The following GPI variants were observed in gnomAD, a reference collection of about 807,000 sequenced individuals.
GPI encodes the protein D-hexose-6-phosphate anomerase.
A neutral mutation model predicts 75.8 loss-of-function variants in GPI; 56 were observed. That is an observed-to-expected ratio of 0.74 (90% CI 0.60 to 0.92). The LOEUF (loss-of-function observed/expected upper bound fraction) is 0.92. GPI is among the 40% of genes least tolerant of loss of function. The pLI, the probability that GPI is intolerant of heterozygous loss-of-function variation, is 0.00. For missense variants in GPI, 638 were observed against 741.0 expected (o/e 0.86, Z 1.61); for synonymous variants, 288 against 285.4 (o/e 1.01, Z -0.09).
intron 9 of GPI, among the ~76,000 whole-genome samples, chr19:34,391,710 G>T (rs796072764): frequency 8.2e-4 from 1 of 1,226 alleles, no homozygotes; most frequent in Non-Finnish European, 2.2e-3. Context: ...ATCTGGTACA[G>T]TTGTGAGGAT....
At position 34,393,446 on chromosome 19, in the gene GPI, T is replaced by C. The variant is rs757750684; in HGVS notation, c.865+138T>C. 5 of 823,374 alleles carry C rather than the reference T, an allele frequency of 6.1e-6. No individual in the cohort carries two copies. Among genetic ancestry groups the C allele is most frequent in the Non-Finnish European group, 8.4e-6 (4 of 476,452 alleles). The allele number at this position is 823,374 out of a possible 1,614,324, so 51.0% of individuals were successfully genotyped here. A position where few individuals can be genotyped will look rare whatever the true frequency, so the allele number is the denominator to read the frequency against. ...TCTCTGCAGCTGGCTGGGATATTTA[T>C]TTCATGTCCAGAAGGAAGGTCTGGG... is the stretch of plus-strand genomic sequence containing the variant. On this transcript the variant is annotated intron_variant, in intron 10 of 17. Coordinates refer to ENST00000356487, the MANE Select transcript of GPI (RefSeq NM_000175.5). The surrounding 1 kb of genome is among the most constrained non-coding windows in gnomAD (Gnocchi z 4.4).
intron 8 of GPI, 157 bp from the exon 9 acceptor site, chr19:34,381,309 T>G: frequency 2.8e-6 from 2 of 715,932 alleles, no homozygotes; most frequent in Admixed American, 4.0e-5. Flanking sequence ...GGCCCTGCCC[T>G]CGACTCACAG....
intron 8 of GPI, chr19:34,379,990 GTTTTTTTTTT>G (rs953154032): frequency 1.2e-4 from 12 of 102,560 alleles, no homozygotes; most frequent in South Asian, 2.5e-4. Context: ...GTGTGGTTTT[GTTTTTTTTTT>G]TTTTTTTTTT....
In GPI at chr19:34,366,330, TC is replaced by T. The variant is rs769407863; in HGVS notation, c.123-13del. 1 of 1,548,778 alleles carries T rather than the reference TC, an allele frequency of 6.5e-7. No homozygotes were observed. Among genetic ancestry groups the T allele is most frequent in the Non-Finnish European group, 8.9e-7 (1 of 1,120,278 alleles). ...AGACCAGGGTGTGGTCAGCAGCATC[TC>T]CATCTTTCTGCAGCTTGACCCTCAA... On this transcript the variant is annotated splice_polypyrimidine_tract_variant and intron_variant, in intron 1 of 17. Coordinates refer to ENST00000356487, the MANE Select transcript of GPI (RefSeq NM_000175.5).
chr19:34,399,695 G>A (rs1282667468), intron 16 of GPI, 24 bp from the exon 17 acceptor site: 1 of 1,613,784 alleles, frequency 6.2e-7, no homozygotes, highest in Non-Finnish European at 8.5e-7. Context: ...GAGCCCTGAT[G>A]TGCCCTGTCT....
Position 34,399,749 on chromosome 19 carries a change from GCAT to G in GPI, c.1510_1512del (p.Ile504del), listed in dbSNP as rs766887088. The stretch of plus-strand genomic sequence containing the variant: ...TATGAGCACAAGATCTTCGTTCAGG[GCAT>G]CATCTGGGACATCAACAGCTTTGAC... On this transcript the variant is annotated inframe_deletion, in exon 17 of 18. Coordinates refer to ENST00000356487, the MANE Select transcript of GPI (RefSeq NM_000175.5). 4.3e-6 allele frequency: 7 copies of G among 1,614,084 alleles called. No individual in the cohort carries two copies. Among genetic ancestry groups the G allele is most frequent in the Non-Finnish European group, 5.9e-6 (7 of 1,180,018 alleles).
At chr19:34,389,078 C>G (rs576339917) in intron 9 of GPI, among the ~76,000 whole-genome samples, 1 of 151,776 alleles carries the variant, frequency 6.6e-6, no homozygotes, top group Non-Finnish European at 1.5e-5. Flanking sequence ...GGCAACAGAG[C>G]AAGACCCTGT....
chr19:34,367,182 G>A (rs1372720235), intron 3 of GPI: 1 of 416,836 alleles, frequency 2.4e-6, no homozygotes, highest in Non-Finnish European at 4.6e-6. Flanking sequence ...GCGACAAGAA[G>A]AATCTTAGAT....
chr19:34,366,299 C>A (rs1270312484), intron 1 of GPI, 46 bp from the exon 2 acceptor site: 1 of 1,244,322 alleles, frequency 8.0e-7, no homozygotes, highest in Non-Finnish European at 1.2e-6. Context: ...TGGCTCCCCG[C>A]TAGGGAGACC....
chr19:34,364,683 AC>A, upstream of GPI: 1 of 368,972 alleles, frequency 2.7e-6, no homozygotes, highest in East Asian at 4.1e-5. Context: ...CGGCCTAGTC[AC>A]TTTTTTCTTA....
Position 34,379,518 on chromosome 19 carries a change from CCTT to C in GPI, c.709_711del (p.Ser237del). The C allele has an allele frequency of 6.2e-7, 1 of 1,613,996 alleles. No individual in the cohort carries two copies. Among genetic ancestry groups the C allele is most frequent in the Non-Finnish European group, 8.5e-7 (1 of 1,179,844 alleles). On this transcript the variant is annotated inframe_deletion and splice_region_variant, in exon 8 of 18. Transcript: ENST00000356487. ...GGTAACTTGGCTCTGTCTCTTGTAG[CCTT>C]CTGCAGTGGCGAAGCACTTTGTTGC...
upstream of GPI, among the ~76,000 whole-genome samples, chr19:34,360,198 C>G (rs547674241): frequency 3.0e-3 from 464 of 152,264 alleles, 4 homozygotes; most frequent in Middle Eastern, 0.02. Context: ...TTCACTACCC[C>G]CCAGGATCCT....
intron 12 of GPI, among the ~76,000 whole-genome samples, chr19:34,394,623 C>T (rs2074918144): frequency 7.0e-6 from 1 of 143,794 alleles, no homozygotes; most frequent in Non-Finnish European, 1.5e-5. Context: ...CTACATGGCC[C>T]TCTTCTCCCT....
intron 1 of GPI, chr19:34,365,800 C>T (rs984784387): frequency 1.3e-5 from 6 of 469,938 alleles, no homozygotes; most frequent in Admixed American, 2.3e-5. Context: ...GTCTGCAGGG[C>T]GGGCAGCCCG....
chr19:34,379,297 A>G (rs1034801020), intron 7 of GPI, among the ~76,000 whole-genome samples: 4 of 152,034 alleles, frequency 2.6e-5, no homozygotes, highest in African/African-American at 9.7e-5. Context: ...TAGGGGAGGG[A>G]CGTCCCTGAG....
chr19:34,375,383 T>G (rs2074520039), intron 4 of GPI, among the ~76,000 whole-genome samples: 1 of 152,034 alleles, frequency 6.6e-6, no homozygotes, highest in African/African-American at 2.4e-5. Context: ...CTCCTGACCT[T>G]GTGATCTGCC....
intron 4 of GPI, among the ~76,000 whole-genome samples, chr19:34,376,262 A>G (rs1371345464): frequency 6.6e-6 from 1 of 152,196 alleles, no homozygotes; most frequent in Non-Finnish European, 1.5e-5. Context: ...TGTCTCTACA[A>G]AAAATAAAAT....
At chr19:34,385,433 C>T (rs575460855) in intron 9 of GPI, among the ~76,000 whole-genome samples, 16 of 151,642 alleles carry the variant, frequency 1.1e-4, no homozygotes, top group Middle Eastern at 3.5e-3. Context: ...GAGCTGTGGC[C>T]AGGTACAGGT....
rs906944154 is a variant in GPI, at chr19:34,393,934, G to A, written c.930G>A (p.Thr310=). ...AHWMDQHFRT[T]PLEKNAPVLL... The stretch of plus-strand genomic sequence containing the variant: ...TTCAGGACCAGCACTTCCGCACGAC[G>A]CCCCTGGAGAAGAACGCCCCCGTCT... Residue 310 remains threonine, a synonymous_variant, in exon 12 of 18, where the codon ACG becomes ACA. Transcript: ENST00000356487. The surrounding 1 kb of genome is among the most constrained non-coding windows in gnomAD (Gnocchi z 4.4). 2.5e-6 allele frequency: 4 copies of A among 1,613,582 alleles called. No homozygotes were observed. The highest frequency in any genetic ancestry group is 1.1e-5 in the South Asian group (1 of 91,058).
Sources: gnomAD v4.1 joint callset for allele counts (sites outside exome capture counted in the v4.1 genomes callset) on GRCh38, gnomAD v4.1.1 for gene constraint, Gnocchi (gnomAD v3.1) non-coding constraint, MANE v1.5 for transcripts, NCBI Gene and HGNC (gene_info 2026-07-23, HGNC 2026-07-21) for gene names.